Variants in CDKN2B-AS1 observed in about 807,000 individuals in gnomAD.
The protein encoded by CDKN2B-AS1 is CDKN2B and CDKN2A antisense cis and trans regulatory RNA 1, also known as CDKN2B antisense RNA 1 (non-protein coding).
intron 4 of CDKN2B-AS1, among the ~76,000 whole-genome samples, chr9:22,086,473 G>A (rs887932984): frequency 8.5e-5 from 13 of 152,198 alleles, no homozygotes; most frequent in African/African-American, 3.1e-4. Flanking sequence ...AAGCACACGT[G>A]AGATGAAGAT....
intron 4 of CDKN2B-AS1, among the ~76,000 whole-genome samples, chr9:22,094,765 C>T (rs895264812): frequency 2.1e-5 from 3 of 143,778 alleles, no homozygotes; most frequent in Admixed American, 6.7e-5. Flanking sequence ...CGAACTTCCT[C>T]CTTTAGCTTG....
intron 1 of CDKN2B-AS1, among the ~76,000 whole-genome samples, chr9:22,042,835 T>A (rs1438583989): frequency 6.6e-6 from 1 of 152,138 alleles, no homozygotes; most frequent in Admixed American, 6.6e-5. Context: ...TGTCACACAA[T>A]CACACAAGAA....
chr9:22,011,180 A>G (rs1294090090), intron 1 of CDKN2B-AS1, among the ~76,000 whole-genome samples: 4 of 152,210 alleles, frequency 2.6e-5, no homozygotes, highest in African/African-American at 9.7e-5. Flanking sequence ...AAAGCTTCAC[A>G]CTTGATCTTC....
At chr9:22,111,330 C>A (rs1015543397) in intron 4 of CDKN2B-AS1, among the ~76,000 whole-genome samples, 3 of 152,132 alleles carry the variant, frequency 2.0e-5, no homozygotes, top group Non-Finnish European at 4.4e-5. Context: ...AACCACAATA[C>A]TCTATGAATC....
chr9:22,008,210 A>G (rs1379825439), intron 1 of CDKN2B-AS1, among the ~76,000 whole-genome samples: 2 of 152,220 alleles, frequency 1.3e-5, no homozygotes, highest in Admixed American at 1.3e-4. Flanking sequence ...GAGTATGATA[A>G]TTAAAGAATG....
At chr9:22,058,825 G>T in intron 4 of CDKN2B-AS1, 1 of 190,594 alleles carries the variant, frequency 5.2e-6, no homozygotes. Flanking sequence ...AGTTCCGCAT[G>T]GCTGAGGAGG....
rs1320160471 is a variant in CDKN2B-AS1 at position 21,996,252 on chromosome 9, C to G, written n.29+1091C>G. Among the ~76,000 whole-genome samples the G allele has an allele frequency of 6.6e-6, 1 of 152,070 alleles. No homozygotes were observed. Among genetic ancestry groups the G allele is most frequent in the African/African-American group, 2.4e-5 (1 of 41,408 alleles). On this transcript the variant is annotated intron_variant and non_coding_transcript_variant, in intron 1 of 4. Coordinates refer to ENST00000650946, the Ensembl canonical transcript of CDKN2B-AS1. The surrounding 1 kb of genome is among the most constrained non-coding windows in gnomAD (Gnocchi z 5.4). ...TACAAACCCAAGACAAAACGGGGCC[C>G]TTTGGAAAAAGTGAGATTTAGCGAT...
rs1051226798 is a variant in CDKN2B-AS1 at position 22,017,990 on chromosome 9, A to G, written n.29+22829A>G. Reference sequence around the variant, plus strand: ...TCTAGTGCATTTCACAACTGTTGCTATTATAGATGGAATATCAGGAGGGGT... The same window carrying G: ...TCTAGTGCATTTCACAACTGTTGCTGTTATAGATGGAATATCAGGAGGGGT... On this transcript the variant is annotated intron_variant and non_coding_transcript_variant, in intron 1 of 4. Coordinates refer to ENST00000650946, the Ensembl canonical transcript of CDKN2B-AS1. Among the ~76,000 whole-genome samples, 37 of 152,200 alleles carry G rather than the reference A, an allele frequency of 2.4e-4. 1 individual carries two copies. Among genetic ancestry groups the G allele is most frequent in the Admixed American group, 2.2e-3 (33 of 15,280 alleles).
At chr9:22,075,264 G>A (rs1240938173) in intron 4 of CDKN2B-AS1, among the ~76,000 whole-genome samples, 1 of 152,190 alleles carries the variant, frequency 6.6e-6, no homozygotes, top group African/African-American at 2.4e-5. Flanking sequence ...TCTCTCAAGA[G>A]TCAGGATGTC....
intron 1 of CDKN2B-AS1, among the ~76,000 whole-genome samples, chr9:22,035,356 C>G (rs916922774): frequency 6.8e-6 from 1 of 147,438 alleles, no homozygotes; most frequent in Non-Finnish European, 1.5e-5. Flanking sequence ...TCTCTCAGTT[C>G]TTATTGCTTT....
chr9:22,109,296 T>A (rs1365155600), intron 4 of CDKN2B-AS1, among the ~76,000 whole-genome samples: 1 of 152,214 alleles, frequency 6.6e-6, no homozygotes. Context: ...CTTTATGAGC[T>A]TTTATTTAAT....
intron 4 of CDKN2B-AS1, among the ~76,000 whole-genome samples, chr9:22,083,183 C>T (rs1344637857): frequency 6.6e-6 from 1 of 152,158 alleles, no homozygotes; most frequent in African/African-American, 2.4e-5. Flanking sequence ...GAGAAAATTG[C>T]ATCATACAGA....
intron 4 of CDKN2B-AS1, chr9:22,096,310 A>G (rs1377187653): frequency 6.6e-6 from 1 of 152,220 alleles, no homozygotes; most frequent in Non-Finnish European, 1.5e-5. Flanking sequence ...TTAGAGAGAA[A>G]AAGATGAATG....
At chr9:22,052,228 G>C (rs965176822) in intron 3 of CDKN2B-AS1, among the ~76,000 whole-genome samples, 3 of 152,080 alleles carry the variant, frequency 2.0e-5, no homozygotes, top group African/African-American at 7.2e-5. Context: ...GAGGCTGGAT[G>C]GGGGGCTTCA....
At chr9:22,099,552 A>G (rs1825409036) in intron 4 of CDKN2B-AS1, among the ~76,000 whole-genome samples, 1 of 152,150 alleles carries the variant, frequency 6.6e-6, no homozygotes, top group African/African-American at 2.4e-5. Context: ...CTTACAATCA[A>G]TGGCATGTTA....
At chr9:22,032,893 C>T (rs192550029) in intron 1 of CDKN2B-AS1, 6 of 151,578 alleles carry the variant, frequency 4.0e-5, no homozygotes, top group South Asian at 2.1e-4. Flanking sequence ...CAATTTAAAG[C>T]GTGAATATTA....
At chr9:22,020,919 G>A (rs192333890) in intron 1 of CDKN2B-AS1, among the ~76,000 whole-genome samples, 1 of 152,050 alleles carries the variant, frequency 6.6e-6, no homozygotes, top group Non-Finnish European at 1.5e-5. Flanking sequence ...TGATGCAATT[G>A]CTCTGTGTCT....
At chr9:22,050,651 G>A (rs1333357694) in intron 3 of CDKN2B-AS1, among the ~76,000 whole-genome samples, 1 of 152,190 alleles carries the variant, frequency 6.6e-6, no homozygotes, top group East Asian at 1.9e-4. Context: ...TTCTGTAGCA[G>A]TTTTCTGGCG....
chr9:22,060,833 T>C (rs1042775549), intron 4 of CDKN2B-AS1, among the ~76,000 whole-genome samples: 1 of 152,042 alleles, frequency 6.6e-6, no homozygotes, highest in Non-Finnish European at 1.5e-5. Flanking sequence ...GAAGCAAAAG[T>C]GGAAACCCCT....
Sources: gnomAD v4.1 joint callset for allele counts (sites outside exome capture counted in the v4.1 genomes callset) on GRCh38, gnomAD v4.1.1 for gene constraint, Gnocchi (gnomAD v3.1) non-coding constraint, MANE v1.5 for transcripts, NCBI Gene and HGNC (gene_info 2026-07-23, HGNC 2026-07-21) for gene names.